NR3C1: variants seen among roughly 807,000 people sequenced by gnomAD.
NR3C1 encodes glucocorticoid receptor.
Under a neutral mutation model 74.0 loss-of-function variants are expected in NR3C1, and 14 were observed. The ratio of observed to expected loss-of-function variants is 0.19; its 90% CI spans 0.12 to 0.30. The LOEUF is 0.30. Ranked by LOEUF, NR3C1 falls within the 10% of genes least tolerant of loss-of-function variation. The probability of loss-of-function intolerance (pLI) is 1.00; values close to 1 mark genes in which losing one functional copy is unlikely to be tolerated. For synonymous variants in NR3C1, 308 were observed against 332.5 expected (o/e 0.93, Z 0.80); for missense variants, 695 against 909.8 (o/e 0.76, Z 3.04).
chr5:143,333,118 G>A (rs1453319418), intron 2 of NR3C1: 27 of 1,592,570 alleles, frequency 1.7e-5, no homozygotes, highest in East Asian at 2.2e-5. Flanking sequence ...TGGTTCTTGC[G>A]CCCTTTCCAC....
intron 6 of NR3C1, among the ~76,000 whole-genome samples, chr5:143,297,347 G>A (rs1817534013): frequency 6.6e-6 from 1 of 152,102 alleles, no homozygotes; most frequent in Non-Finnish European, 1.5e-5. Flanking sequence ...GGATAAGTTG[G>A]TGTTTCATAC....
chr5:143,379,325 T>C (rs1466646934), intron 2 of NR3C1, among the ~76,000 whole-genome samples: 1 of 152,188 alleles, frequency 6.6e-6, no homozygotes, highest in Non-Finnish European at 1.5e-5. Context: ...ACTGAATGCC[T>C]ATCAGGAAGA....
intron 2 of NR3C1, among the ~76,000 whole-genome samples, chr5:143,384,528 A>C (rs1836823099): frequency 6.6e-6 from 1 of 152,194 alleles, no homozygotes. Context: ...CATTGGGTAA[A>C]TTCCCCCATT....
At chr5:143,434,690 T>G in exon 1 of NR3C1, 1 of 985,428 alleles carries the variant, frequency 1.0e-6, no homozygotes. Flanking sequence ...AAGGCACTCA[T>G]TAAGTGCTTA....
intron 2 of NR3C1, among the ~76,000 whole-genome samples, chr5:143,320,203 T>C (rs61752287): frequency 1.8e-3 from 279 of 152,336 alleles, no homozygotes; most frequent in African/African-American, 6.4e-3. Context: ...TCAAATCAAA[T>C]AGAAAAATGC....
chr5:143,348,894 T>C (rs367966374), intron 2 of NR3C1, among the ~76,000 whole-genome samples: 1 of 152,306 alleles, frequency 6.6e-6, no homozygotes, highest in East Asian at 1.9e-4. Flanking sequence ...TGTAAATATT[T>C]TTCCCTACAA....
At chr5:143,409,645 G>C (rs1348224936) in intron 1 of NR3C1, among the ~76,000 whole-genome samples, 1 of 152,144 alleles carries the variant, frequency 6.6e-6, no homozygotes, top group East Asian at 1.9e-4. Flanking sequence ...AGAGGTTCAA[G>C]GGAACCCAGC....
intron 7 of NR3C1, chr5:143,295,095 C>T (rs1040632554): frequency 2.0e-6 from 2 of 985,208 alleles, no homozygotes; most frequent in African/African-American, 3.5e-5. Context: ...CATTAGGAAA[C>T]TAAAATTTTT....
upstream of NR3C1, chr5:143,403,980 G>A (rs1187492464): frequency 8.1e-6 from 8 of 984,700 alleles, no homozygotes; most frequent in Middle Eastern, 5.2e-4. Context: ...AGCGGCGGGG[G>A]CCGACCTGGT....
chr5:143,285,467 C>T (rs1360304352), intron 7 of NR3C1, among the ~76,000 whole-genome samples: 6 of 152,106 alleles, frequency 3.9e-5, no homozygotes, highest in Admixed American at 3.3e-4. Context: ...AAACAGTCTA[C>T]CCAAGAACTT....
chr5:143,406,408 CAAA>C (rs76118247), upstream of NR3C1, among the ~76,000 whole-genome samples: 2 of 108,162 alleles, frequency 1.8e-5, no homozygotes, highest in East Asian at 2.8e-4. Flanking sequence ...TTTAATTGAG[CAAA>C]AAAAAAAAAA....
chr5:143,309,998 C>G (rs997667050), intron 4 of NR3C1, 99 bp downstream of exon 4: 1 of 905,568 alleles, frequency 1.1e-6, no homozygotes, highest in African/African-American at 1.6e-5. Flanking sequence ...ACTGAACTGA[C>G]TACATTAATT....
At position 143,298,517 on chromosome 5, in the gene NR3C1, A is replaced by C. The variant is rs982927703; in HGVS notation, c.1892+151T>G. The C allele has an allele frequency of 6.6e-6, 5 of 761,740 alleles. No homozygotes were observed. In the Admixed American group the frequency reaches 1.0e-4, roughly 15 times the overall value. The allele number at this position is 761,740 out of a possible 1,614,324, so 47.2% of individuals were successfully genotyped here. On this transcript the variant is annotated intron_variant, in intron 6 of 8. Transcript: ENST00000394464. The stretch of plus-strand genomic sequence containing the variant: ...ACATTACACTTGTCCTGCCCCAAGC[A>C]CTCATAACTCTATTTCCAGTTTGCC...
chr5:143,353,435 G>C (rs1485607460), intron 2 of NR3C1, among the ~76,000 whole-genome samples: 1 of 152,100 alleles, frequency 6.6e-6, no homozygotes, highest in Non-Finnish European at 1.5e-5. Flanking sequence ...AGGTCCACCA[G>C]AGCAATCACT....
upstream of NR3C1, among the ~76,000 whole-genome samples, chr5:143,405,891 G>A (rs72557306): frequency 2.0e-5 from 3 of 152,036 alleles, no homozygotes; most frequent in Admixed American, 2.0e-4. Context: ...CTAGTTGCCC[G>A]TTTTTCCAAT....
chr5:143,370,449 T>C (rs1329980527), intron 2 of NR3C1, among the ~76,000 whole-genome samples: 1 of 152,254 alleles, frequency 6.6e-6, no homozygotes, highest in Non-Finnish European at 1.5e-5. Context: ...CCTTATTGTT[T>C]AGCCAACTTT....
chr5:143,394,993 G>A (rs1242784621), intron 2 of NR3C1, among the ~76,000 whole-genome samples: 1 of 151,932 alleles, frequency 6.6e-6, no homozygotes, highest in Admixed American at 6.6e-5. Flanking sequence ...ACAGTATTGA[G>A]CACTAAGGAA....
intron 1 of NR3C1, among the ~76,000 whole-genome samples, chr5:143,425,594 G>A (rs545423557): frequency 6.6e-6 from 1 of 152,188 alleles, no homozygotes; most frequent in East Asian, 1.9e-4. Context: ...AAGAAGATGT[G>A]CAACTAGCCA....
intron 2 of NR3C1, among the ~76,000 whole-genome samples, chr5:143,374,263 C>G (rs1178974644): frequency 1.3e-5 from 2 of 151,946 alleles, no homozygotes; most frequent in Admixed American, 1.3e-4. Context: ...GAGGCCGAGG[C>G]GGGTGGATCA....
Sources: gnomAD v4.1 joint callset for allele counts (sites outside exome capture counted in the v4.1 genomes callset) on GRCh38, gnomAD v4.1.1 for gene constraint, MANE v1.5 for transcripts, NCBI Gene and HGNC (gene_info 2026-07-23, HGNC 2026-07-21) for gene names.